The following CCDC170 variants were observed in gnomAD, a reference collection of about 807,000 sequenced individuals.
CCDC170 encodes coiled-coil domain containing 170.
A neutral mutation model predicts 72.6 loss-of-function variants in CCDC170; 69 were observed. That is an observed-to-expected ratio of 0.95 (90% CI 0.78 to 1.16). CCDC170 has a LOEUF of 1.16. Among genes scored for constraint, CCDC170 ranks in the 50% most tolerant of loss-of-function variants. CCDC170 has a pLI of 0.00. For synonymous variants in CCDC170, 300 were observed against 303.9 expected, an observed-to-expected ratio of 0.99 and a Z score of 0.13; for missense variants, 852 against 832.5, an observed-to-expected ratio of 1.02 and a Z score of -0.29.
chr6:151,515,393 C>T (rs1296078), intron 1 of CCDC170, among the ~76,000 whole-genome samples: 3 of 152,228 alleles, frequency 2.0e-5, no homozygotes, highest in Admixed American at 6.5e-5. Context: ...AGCGATTCTC[C>T]TGCCTCAGCC....
chr6:151,520,265 T>C lies in CCDC170; in HGVS notation c.58-16053T>C, dbSNP rs535479956. Reference sequence around the variant, plus strand: ...AGTGCCAGGAGGGAGAAACAGGGGTTGCTGTGAGAGGAGAACTGAAAGACA... The same window carrying C: ...AGTGCCAGGAGGGAGAAACAGGGGTCGCTGTGAGAGGAGAACTGAAAGACA... On this transcript the variant is annotated intron_variant, in intron 1 of 10. Coordinates refer to ENST00000239374, the MANE Select transcript of CCDC170 (RefSeq NM_025059.4). Among the ~76,000 whole-genome samples, 4 of 152,338 alleles carry C rather than the reference T, an allele frequency of 2.6e-5. No homozygotes were observed. The East Asian group carries it at 7.7e-4, about 29-fold the overall frequency.
chr6:151,608,731 T>C (rs1776823047), intron 9 of CCDC170, among the ~76,000 whole-genome samples: 1 of 152,086 alleles, frequency 6.6e-6, no homozygotes, highest in Non-Finnish European at 1.5e-5. Flanking sequence ...CCACTGGAAG[T>C]GGGGTCAGAC....
intron 6 of CCDC170, 138 bp from the exon 7 acceptor site, chr6:151,585,750 CA>C (rs1776442370): frequency 1.5e-6 from 1 of 685,884 alleles, no homozygotes. Context: ...CTATCAATTA[CA>C]TATTTTAAAT....
At chr6:151,550,802 G>A (rs892294435) in intron 5 of CCDC170, among the ~76,000 whole-genome samples, 2 of 152,158 alleles carry the variant, frequency 1.3e-5, no homozygotes, top group Non-Finnish European at 2.9e-5. Flanking sequence ...AGCAAGCTAA[G>A]TGCTATGATG....
At chr6:151,584,840 T>A (rs1259666370) in intron 6 of CCDC170, among the ~76,000 whole-genome samples, 1 of 152,196 alleles carries the variant, frequency 6.6e-6, no homozygotes, top group Non-Finnish European at 1.5e-5. Flanking sequence ...GCACGGCTGT[T>A]TATAGATGGG....
intron 4 of CCDC170, among the ~76,000 whole-genome samples, chr6:151,545,058 G>A (rs1364970588): frequency 6.6e-6 from 1 of 152,104 alleles, no homozygotes; most frequent in Non-Finnish European, 1.5e-5. Flanking sequence ...ACTCACACAA[G>A]CAGCTGCATG....
chr6:151,548,489 G>A lies in CCDC170; in HGVS notation c.774G>A (p.Gln258=). ...SCTEEKEKLN[Q]DLLSAVEAKE... is the part of the protein sequence containing the mutation. ...CTGAAGAGAAAGAGAAGCTGAACCA[G>A]GTATGATATGTGAAGTATACGTGTG... The change falls in exon 5 of 11, where the codon CAG becomes CAA. Residue 258 remains glutamine, a splice_region_variant and synonymous_variant. Coordinates refer to ENST00000239374, the MANE Select transcript of CCDC170 (RefSeq NM_025059.4). 8 of 1,572,054 alleles carry A rather than the reference G, an allele frequency of 5.1e-6. No homozygotes were observed. The highest frequency in any genetic ancestry group is 6.9e-6 in the Non-Finnish European group (8 of 1,161,536).
At chr6:151,494,239 C>G in intron 1 of CCDC170, 54 bp downstream of exon 1, 1 of 1,440,960 alleles carries the variant, frequency 6.9e-7, no homozygotes, top group Admixed American at 2.7e-5. Flanking sequence ...ATAGACGACC[C>G]AGGAGGGGCC....
intron 1 of CCDC170, among the ~76,000 whole-genome samples, chr6:151,526,117 TTTCTTC>T (rs1562271433): frequency 2.0e-5 from 3 of 148,754 alleles, no homozygotes; most frequent in Admixed American, 2.0e-4. Flanking sequence ...CCTTCCTTCC[TTTCTTC>T]CTTCCTTCCT....
intron 9 of CCDC170, among the ~76,000 whole-genome samples, chr6:151,603,002 T>C (rs141431976): frequency 2.9e-4 from 44 of 152,234 alleles, no homozygotes; most frequent in East Asian, 5.8e-4. Flanking sequence ...GGTTTCACCA[T>C]GTTGGCCAGG....
chr6:151,576,333 C>G (rs1211884123), intron 6 of CCDC170, among the ~76,000 whole-genome samples: 2 of 152,034 alleles, frequency 1.3e-5, no homozygotes, highest in Non-Finnish European at 2.9e-5. Flanking sequence ...ACTTAAGGAA[C>G]TTTCAACTAA....
At chr6:151,594,339 A>G (rs1776589070) in intron 8 of CCDC170, among the ~76,000 whole-genome samples, 1 of 152,308 alleles carries the variant, frequency 6.6e-6, no homozygotes, top group African/African-American at 2.4e-5. Flanking sequence ...GGGATGCTAT[A>G]TACCCCAAGG....
intron 1 of CCDC170, among the ~76,000 whole-genome samples, chr6:151,530,485 A>G (rs1423231616): frequency 6.6e-6 from 1 of 151,288 alleles, no homozygotes; most frequent in African/African-American, 2.4e-5. Context: ...TCTGTCAGCC[A>G]GGCTGGAGTG....
chr6:151,504,053 A>G (rs1449355534), intron 1 of CCDC170, among the ~76,000 whole-genome samples: 2 of 152,168 alleles, frequency 1.3e-5, no homozygotes, highest in African/African-American at 2.4e-5. Flanking sequence ...AAATTTCTTG[A>G]ATTTGACAGT....
At chr6:151,572,760 C>T (rs920710346) in intron 5 of CCDC170, among the ~76,000 whole-genome samples, 2 of 145,776 alleles carry the variant, frequency 1.4e-5, no homozygotes, top group African/African-American at 2.5e-5. Flanking sequence ...AGCAATTCTC[C>T]TGCCTCAGGC....
At chr6:151,600,288 C>T (rs1229463622) in intron 9 of CCDC170, among the ~76,000 whole-genome samples, 1 of 152,180 alleles carries the variant, frequency 6.6e-6, no homozygotes, top group Non-Finnish European at 1.5e-5. Flanking sequence ...TTTCACTATT[C>T]ATAAAGCAAT....
At chr6:151,565,250 A>G (rs75171153) in intron 5 of CCDC170, among the ~76,000 whole-genome samples, 2,820 of 152,218 alleles carry the variant, frequency 0.019, 97 homozygotes, top group African/African-American at 0.064. Context: ...CTGGCTCTCA[A>G]AATGGCATCT....
At chr6:151,510,236 C>T (rs1013124959) in intron 1 of CCDC170, among the ~76,000 whole-genome samples, 1 of 152,186 alleles carries the variant, frequency 6.6e-6, no homozygotes. Context: ...TCATTTTGTT[C>T]ATTCATTCCT....
At chr6:151,559,808 A>G (rs1326779923) in intron 5 of CCDC170, among the ~76,000 whole-genome samples, 7 of 152,026 alleles carry the variant, frequency 4.6e-5, no homozygotes, top group Non-Finnish European at 1.0e-4. Flanking sequence ...CACCTTTGTC[A>G]TTTCTGATTG....
Sources: allele counts gnomAD v4.1 joint callset (sites outside exome capture counted in the v4.1 genomes callset), GRCh38; gene constraint gnomAD v4.1.1; transcripts MANE v1.5; gene names NCBI Gene and HGNC (gene_info 2026-07-23, HGNC 2026-07-21).